SCFD2: variants seen among roughly 807,000 people sequenced by gnomAD.
SCFD2 encodes sec1 family domain containing 2.
A neutral mutation model predicts 58.9 loss-of-function variants in SCFD2; 54 were observed. The ratio of observed to expected loss-of-function variants is 0.92; its 90% CI spans 0.74 to 1.15. The LOEUF (loss-of-function observed/expected upper bound fraction) is 1.15. Among genes scored for constraint, SCFD2 ranks in the 50% most tolerant of loss-of-function variants. SCFD2 has a pLI of 0.00. For missense variants in SCFD2, 805 were observed against 836.6 expected (o/e 0.96, Z 0.47); for synonymous variants, 321 against 335.9 (o/e 0.96, Z 0.49).
chr4:53,332,037 A>T (rs1266421630), intron 2 of SCFD2, among the ~76,000 whole-genome samples: 1 of 152,348 alleles, frequency 6.6e-6, no homozygotes, highest in South Asian at 2.1e-4. Context: ...CTCTCCCAAG[A>T]CTAAACCAGG....
At chr4:53,113,940 T>TG in intron 5 of SCFD2, among the ~76,000 whole-genome samples, 1 of 152,074 alleles carries the variant, frequency 6.6e-6, no homozygotes, top group Non-Finnish European at 1.5e-5. Context: ...TTCTCACTGT[T>TG]TTAGTATAAT....
At chr4:52,979,278 A>G (rs1721323980) in intron 5 of SCFD2, among the ~76,000 whole-genome samples, 1 of 151,368 alleles carries the variant, frequency 6.6e-6, no homozygotes. Flanking sequence ...GACACAACCC[A>G]CTCTTTTCTC....
intron 3 of SCFD2, among the ~76,000 whole-genome samples, chr4:53,287,471 A>G (rs1331897664): frequency 6.6e-6 from 1 of 152,144 alleles, no homozygotes; most frequent in Non-Finnish European, 1.5e-5. Context: ...ACACACCTAT[A>G]ATCATCACTG....
At chr4:53,044,748 T>C (rs1447237199) in intron 5 of SCFD2, among the ~76,000 whole-genome samples, 1 of 152,000 alleles carries the variant, frequency 6.6e-6, no homozygotes, top group Non-Finnish European at 1.5e-5. Flanking sequence ...TGTCCTAAGA[T>C]TATTGGCAGT....
intron 5 of SCFD2, among the ~76,000 whole-genome samples, chr4:52,992,755 C>T (rs910480801): frequency 3.9e-5 from 6 of 152,084 alleles, no homozygotes; most frequent in Admixed American, 6.5e-5. Context: ...GCCCGGCAGC[C>T]GCCCCATGTG....
chr4:53,273,733 T>C (rs1731245205), intron 4 of SCFD2, 93 bp downstream of exon 4: 2 of 1,114,792 alleles, frequency 1.8e-6, no homozygotes, highest in Non-Finnish European at 2.5e-6. Flanking sequence ...AACAATATGA[T>C]TTATTACTAA....
intron 5 of SCFD2, among the ~76,000 whole-genome samples, chr4:53,086,961 C>G (rs1008523196): frequency 6.6e-5 from 10 of 152,060 alleles, no homozygotes; most frequent in African/African-American, 2.4e-4. Context: ...AGGAATAAGA[C>G]TTGGTGCTTG....
chr4:53,306,098 TACAA>T (rs1477206133), intron 3 of SCFD2, among the ~76,000 whole-genome samples: 4 of 152,132 alleles, frequency 2.6e-5, no homozygotes, highest in African/African-American at 9.7e-5. Flanking sequence ...ACAATAATAG[TACAA>T]ACAAAGAGAT....
intron 5 of SCFD2, among the ~76,000 whole-genome samples, chr4:53,088,571 G>A (rs1346954261): frequency 6.6e-6 from 1 of 152,170 alleles, no homozygotes; most frequent in African/African-American, 2.4e-5. Context: ...CTTTTGGAAT[G>A]GATATGTCTA....
intron 4 of SCFD2, among the ~76,000 whole-genome samples, chr4:53,239,081 G>A (rs551219439): frequency 1.3e-5 from 2 of 151,142 alleles, no homozygotes; most frequent in East Asian, 2.0e-4. Context: ...ATTGAGCACT[G>A]AGTGAACGAG....
chr4:53,031,785 G>A (rs1282188680), intron 5 of SCFD2, among the ~76,000 whole-genome samples: 9 of 152,164 alleles, frequency 5.9e-5, no homozygotes, highest in Non-Finnish European at 1.5e-5. Context: ...TATGGGACTA[G>A]GTGAAAAGAC....
At chr4:53,314,066 G>T (rs1732784408) in intron 2 of SCFD2, among the ~76,000 whole-genome samples, 2 of 152,072 alleles carry the variant, frequency 1.3e-5, no homozygotes, top group African/African-American at 4.8e-5. Context: ...AAATCTTTCA[G>T]AATTCAACTC....
chr4:53,249,009 G>A (rs1345435153), intron 4 of SCFD2, among the ~76,000 whole-genome samples: 1 of 152,196 alleles, frequency 6.6e-6, no homozygotes, highest in African/African-American at 2.4e-5. Flanking sequence ...ACTACTCCGA[G>A]CTATGGGAGG....
chr4:53,242,684 G>A (rs1239691321), intron 4 of SCFD2, among the ~76,000 whole-genome samples: 30 of 152,168 alleles, frequency 2.0e-4, no homozygotes, highest in Admixed American at 2.0e-3. Flanking sequence ...ATAAAGATCA[G>A]CAAGATTCAG....
At chr4:53,254,111 G>A (rs35174671) in intron 4 of SCFD2, among the ~76,000 whole-genome samples, 1 of 152,160 alleles carries the variant, frequency 6.6e-6, no homozygotes. Context: ...GGGTGGAGAA[G>A]GGAAAGGATC....
chr4:53,180,499 G>C (rs1254709880), intron 4 of SCFD2, among the ~76,000 whole-genome samples: 1 of 151,974 alleles, frequency 6.6e-6, no homozygotes, highest in Non-Finnish European at 1.5e-5. Context: ...CACATTCAAA[G>C]CAGTGTGTAG....
intron 3 of SCFD2, among the ~76,000 whole-genome samples, chr4:53,300,132 C>T (rs1732221055): frequency 6.6e-6 from 1 of 152,096 alleles, no homozygotes. Flanking sequence ...CTAAATGCTC[C>T]AATTAAAAGA....
At chr4:53,188,418 G>GGTGT (rs56120914) in intron 4 of SCFD2, among the ~76,000 whole-genome samples, 9,066 of 143,444 alleles carry the variant, frequency 0.063, 319 homozygotes, top group African/African-American at 0.076. Context: ...CTTCAAAACT[G>GGTGT]GTGTGTGTGT....
intron 5 of SCFD2, among the ~76,000 whole-genome samples, chr4:52,959,147 T>C (rs1720783159): frequency 1.3e-5 from 2 of 152,156 alleles, no homozygotes; most frequent in South Asian, 2.1e-4. Context: ...TGATGCCTCT[T>C]ACAAGACAGG....
Sources: gnomAD v4.1 joint callset for allele counts (sites outside exome capture counted in the v4.1 genomes callset) on GRCh38, gnomAD v4.1.1 for gene constraint, MANE v1.5 for transcripts, NCBI Gene and HGNC (gene_info 2026-07-23, HGNC 2026-07-21) for gene names.